Variants in RGR observed in about 807,000 individuals in gnomAD.
The protein encoded by RGR is retinal G protein coupled receptor.
In RGR, 30 loss-of-function variants were observed where a neutral mutation model predicts 28.6. The observed-to-expected ratio is 1.05, with a 90% CI of 0.78 to 1.42. The LOEUF is 1.42. Ranked by LOEUF, RGR falls within the 40% of genes most tolerant of loss-of-function variation. The pLI is 0.00. For synonymous variants in RGR, 180 were observed against 156.4 expected (o/e 1.15, Z -1.13); for missense variants, 404 against 375.6 (o/e 1.08, Z -0.62).
chr10:84,258,797 C>A lies in RGR; in HGVS notation c.*158C>A. 9.1e-7 allele frequency: 1 copy of A among 1,097,396 alleles called. No homozygotes were observed. The highest frequency in any genetic ancestry group is 1.3e-6 in the Non-Finnish European group (1 of 752,666). 68.0% of individuals were successfully genotyped at this position (1,097,396 alleles called of 1,614,324 possible). A position where few individuals can be genotyped will look rare whatever the true frequency, so the allele number is the denominator to read the frequency against. ...CAGGATTCAGAAAGACACCAGGCTG[C>A]ACAGAAAGAGCCAGATGGACCTGAG... is the stretch of plus-strand genomic sequence containing the variant. On this transcript the variant is annotated 3_prime_UTR_variant, in exon 7 of 7. Transcript: ENST00000652092.
At chr10:84,258,476 A>G in intron 6 of RGR, 32 bp from the exon 7 acceptor site, 1 of 1,614,046 alleles carries the variant, frequency 6.2e-7, no homozygotes, top group Non-Finnish European at 8.5e-7. Context: ...GTGGCTTTGA[A>G]GCTTCTTTTC....
intron 5 of RGR, among the ~76,000 whole-genome samples, chr10:84,255,977 G>A (rs1030787001): frequency 6.9e-6 from 1 of 145,918 alleles, no homozygotes; most frequent in Non-Finnish European, 1.5e-5. Flanking sequence ...GCCCGCCTCC[G>A]CCTCCTAAAT....
chr10:84,254,293 C>A (rs1842854707), intron 4 of RGR, 33 bp from the exon 5 acceptor site: 3 of 1,593,774 alleles, frequency 1.9e-6, no homozygotes, highest in Non-Finnish European at 2.6e-6. Context: ...TCCCTGAGAG[C>A]TAACCCCAAT....
chr10:84,245,288 C>A, intron 1 of RGR, 119 bp downstream of exon 1: 1 of 912,392 alleles, frequency 1.1e-6, no homozygotes, highest in South Asian at 1.6e-5. Context: ...TGTCCGGTCC[C>A]ATTGGCTGCC....
Position 84,258,526 on chromosome 10 carries a change from A to T in RGR, c.763A>T (p.Lys255Ter), listed in dbSNP as rs148706915. 8 of 1,614,078 alleles carry T rather than the reference A, an allele frequency of 5.0e-6. No homozygotes were observed. Among genetic ancestry groups the T allele is most frequent in the Non-Finnish European group, 6.8e-6 (8 of 1,180,022 alleles). The stretch of plus-strand genomic sequence containing the variant: ...ACAACAGGTGCCCGCCCTCATTGCC[A>T]AAATGGTGCCCACGATCAATGCCAT... Reference protein sequence around the residue: ...KLQMVPALIAKMVPTINAINY... With the variant: ...KLQMVPALIA Residue 255 changes from lysine (K) to a stop codon, truncating the protein, a stop_gained, in exon 7 of 7, where the codon AAA becomes TAA. Transcript: ENST00000652092. LOFTEE classifies it low-confidence loss of function (END_TRUNC).
At chr10:84,256,059 C>CTTTTTTTTTTTTTTTTTTTTTTTTT (rs61441525) in intron 5 of RGR, among the ~76,000 whole-genome samples, 4 of 54,348 alleles carry the variant, frequency 7.4e-5, no homozygotes, top group Non-Finnish European at 9.3e-5. Flanking sequence ...TTTTTCCTTT[C>CTTTTTTTTTTTTTTTTTTTTTTTTT]TTTTTTTTTT....
rs377043137 is a variant in RGR at position 84,257,962 on chromosome 10, G to A, written c.700G>A (p.Ala234Thr). Residue 234 changes from alanine (A) to threonine (T), a missense_variant, in exon 6 of 7, where the codon GCA becomes ACA. Transcript: ENST00000652092. ...CCCCTATGCCATCCTGTATCTATAC[G>A]CAGTCATCGCAGACGTGACTTCCAT... ...WGPYAILYLYAVIADVTSISP... is the reference protein window; with the variant it reads ...WGPYAILYLYTVIADVTSISP... 4.3e-5 allele frequency: 70 copies of A among 1,613,998 alleles called. No homozygotes were observed. Among genetic ancestry groups the A allele is most frequent in the Admixed American group, 6.7e-5 (4 of 60,008 alleles).
intron 5 of RGR, among the ~76,000 whole-genome samples, chr10:84,255,774 G>C (rs1201983560): frequency 6.9e-6 from 1 of 145,300 alleles, no homozygotes; most frequent in Non-Finnish European, 1.5e-5. Context: ...GCCCAGGCTG[G>C]AGCGCAATGG....
chr10:84,253,758 C>G (rs1410433244), intron 4 of RGR, among the ~76,000 whole-genome samples: 1 of 152,166 alleles, frequency 6.6e-6, no homozygotes, highest in Non-Finnish European at 1.5e-5. Context: ...ATGGCACTCC[C>G]CAGCCAGGGT....
chr10:84,256,229 TG>T (rs908038229), intron 5 of RGR, among the ~76,000 whole-genome samples: 9 of 151,868 alleles, frequency 5.9e-5, no homozygotes, highest in African/African-American at 2.2e-4. Flanking sequence ...CCACCACGCC[TG>T]GCTAATTTTT....
rs1487811043 is a variant in RGR, at chr10:84,258,698, AGCCTCAGTG to A, written c.*63_*71del. The A allele has an allele frequency of 6.2e-7, 1 of 1,610,926 alleles. No homozygotes were observed. The highest frequency in any genetic ancestry group is 2.2e-5 in the East Asian group (1 of 44,770). On this transcript the variant is annotated 3_prime_UTR_variant, in exon 7 of 7. Coordinates refer to ENST00000652092, the MANE Select transcript of RGR (RefSeq NM_001012720.2). Reference sequence around the variant, plus strand: ...GGCTGTTCCAGGAGTCCTGCCCAGCAGCCTCAGTGGCCAAGCCCAGACACTCACCCACCT... The same window carrying A: ...GGCTGTTCCAGGAGTCCTGCCCAGCAGCCAAGCCCAGACACTCACCCACCT...
In RGR at chr10:84,254,349, C is replaced by T. The variant is rs761976508; in HGVS notation, c.536C>T (p.Thr179Ile). The change falls in exon 5 of 7, where the codon ACC (threonine) becomes ATC (isoleucine). Residue 179 changes from threonine to isoleucine, a missense_variant. Transcript: ENST00000652092. Reference protein sequence around the residue: ...GDRNFTSFLFTMSFFNFAMPL... With the variant: ...GDRNFTSFLFIMSFFNFAMPL... ...AGAAACTTCACCAGCTTCCTCTTCACCATGTCCTTCTTCAACTTCGCCATG... is the reference window on the plus strand; with the variant it reads ...AGAAACTTCACCAGCTTCCTCTTCATCATGTCCTTCTTCAACTTCGCCATG... 6.2e-7 allele frequency: 1 copy of T among 1,614,192 alleles called. No individual in the cohort carries two copies. Among genetic ancestry groups the T allele is most frequent in the East Asian group, 2.2e-5 (1 of 44,876 alleles).
Position 84,254,544 on chromosome 10 carries a change from A to G in RGR, c.630+101A>G, listed in dbSNP as rs1385134953. ...GGATGTGACACACACAAACAGCAAA[A>G]CAAATATTCATTGCTTTTGCAGCAA... On this transcript the variant is annotated intron_variant, in intron 5 of 6. Transcript: ENST00000652092. 5 of 988,204 alleles carry G rather than the reference A, an allele frequency of 5.1e-6. No homozygotes were observed. The Admixed American group carries it at 9.0e-5, about 18-fold the overall frequency. 61.2% of individuals were successfully genotyped at this position (988,204 alleles called of 1,614,324 possible). A position where few individuals can be genotyped will look rare whatever the true frequency, so the allele number is the denominator to read the frequency against.
intron 5 of RGR, among the ~76,000 whole-genome samples, chr10:84,257,132 G>C (rs1289729934): frequency 6.6e-6 from 1 of 152,222 alleles, no homozygotes; most frequent in African/African-American, 2.4e-5. Flanking sequence ...GGAGAAAACA[G>C]GCAAGAACTT....
intron 2 of RGR, chr10:84,248,461 G>A: frequency 3.6e-6 from 1 of 275,106 alleles, no homozygotes; most frequent in Non-Finnish European, 7.1e-6. Flanking sequence ...CCAGCCTGGG[G>A]GGTCTGCATC....
intron 4 of RGR, among the ~76,000 whole-genome samples, 192 bp downstream of exon 4, chr10:84,253,202 G>A (rs1258589374): frequency 6.6e-6 from 1 of 152,152 alleles, no homozygotes; most frequent in Non-Finnish European, 1.5e-5. Context: ...CTGAAAACTG[G>A]CCAGGTGATG....
intron 5 of RGR, among the ~76,000 whole-genome samples, chr10:84,255,909 A>T (rs1231860012): frequency 6.7e-6 from 1 of 150,058 alleles, no homozygotes; most frequent in African/African-American, 2.4e-5. Context: ...TTTTTGGTAG[A>T]GACGGGGTTT....
At chr10:84,249,291 C>T (rs921813792) in intron 3 of RGR, among the ~76,000 whole-genome samples, 3 of 152,108 alleles carry the variant, frequency 2.0e-5, no homozygotes, top group Non-Finnish European at 4.4e-5. Context: ...CCTCTCTGAA[C>T]CTTAGTCTCC....
At chr10:84,258,365 A>G in intron 6 of RGR, 143 bp from the exon 7 acceptor site, 1 of 1,367,740 alleles carries the variant, frequency 7.3e-7, no homozygotes, top group Non-Finnish European at 1.0e-6. Flanking sequence ...ATGCATCTCC[A>G]CCAACTAGTC....
Sources: allele counts gnomAD v4.1 joint callset (sites outside exome capture counted in the v4.1 genomes callset), GRCh38; gene constraint gnomAD v4.1.1; transcripts MANE v1.5; gene names NCBI Gene and HGNC (gene_info 2026-07-23, HGNC 2026-07-21).